The following IDE variants were observed in gnomAD, a reference collection of about 807,000 sequenced individuals.
IDE encodes the protein insulin-degrading enzyme.
IDE carries 58 observed loss-of-function variants against 133.2 expected under a neutral mutation model. That is an observed-to-expected ratio of 0.44 (90% confidence interval 0.35 to 0.54). The LOEUF (loss-of-function observed/expected upper bound fraction) is 0.54. Ranked by LOEUF, IDE falls within the 20% of genes least tolerant of loss-of-function variation. The pLI, the probability that IDE is intolerant of heterozygous loss-of-function variation, is 0.00. For missense variants in IDE, 981 were observed against 1,234.0 expected (o/e 0.79, Z 3.07); for synonymous variants, 396 against 421.3 (o/e 0.94, Z 0.73).
At chr10:92,568,839 TAATA>T (rs1564689056) in intron 1 of IDE, among the ~76,000 whole-genome samples, 2 of 149,324 alleles carry the variant, frequency 1.3e-5, no homozygotes, top group Non-Finnish European at 3.0e-5. Flanking sequence ...ATAATAATAA[TAATA>T]ACAATACCTT....
At chr10:92,531,637 G>T (rs941819523) in intron 4 of IDE, 111 bp downstream of exon 4, 54 of 402,662 alleles carry the variant, frequency 1.3e-4, no homozygotes, top group Admixed American at 2.4e-4. Flanking sequence ...TATATGCCAT[G>T]GGTTATATAC....
chr10:92,488,535 T>C (rs926963650), intron 12 of IDE, among the ~76,000 whole-genome samples: 1 of 152,140 alleles, frequency 6.6e-6, no homozygotes, highest in African/African-American at 2.4e-5. Flanking sequence ...CCCAGCACTT[T>C]GGGAGGCCAA....
intron 19 of IDE, 77 bp downstream of exon 19, chr10:92,468,801 CA>C (rs1185698127): frequency 1.4e-5 from 10 of 709,946 alleles, no homozygotes; most frequent in Non-Finnish European, 2.0e-5. Flanking sequence ...AAAACTATAC[CA>C]AATTCAGCCC....
At chr10:92,556,090 G>C (rs548962431) in intron 1 of IDE, among the ~76,000 whole-genome samples, 2 of 143,864 alleles carry the variant, frequency 1.4e-5, no homozygotes, top group African/African-American at 5.1e-5. Context: ...GGAGAATGGC[G>C]TGAACCCGGG....
chr10:92,479,608 TGA>T (rs1421433641), intron 14 of IDE, 187 bp from the exon 15 acceptor site: 15 of 535,984 alleles, frequency 2.8e-5, no homozygotes, highest in Non-Finnish European at 4.3e-5. Flanking sequence ...GAAGTGTGTG[TGA>T]GTGTGTGTGT....
intron 4 of IDE, among the ~76,000 whole-genome samples, chr10:92,528,519 T>C (rs145396399): frequency 2.5e-4 from 38 of 151,232 alleles, no homozygotes; most frequent in African/African-American, 8.7e-4. Context: ...TGATGTAAGA[T>C]AGTGTTTGAC....
chr10:92,524,359 TATA>T (rs1459546579), intron 4 of IDE, among the ~76,000 whole-genome samples: 1 of 21,884 alleles, frequency 4.6e-5, no homozygotes, highest in Non-Finnish European at 6.9e-5. Flanking sequence ...TAATATATTT[TATA>T]TTATAATATA....
chr10:92,500,469 G>C (rs956009186), intron 11 of IDE, among the ~76,000 whole-genome samples: 24 of 152,170 alleles, frequency 1.6e-4, no homozygotes, highest in Non-Finnish European at 3.5e-4. Flanking sequence ...GCACAGAAAG[G>C]TATGTTGTAT....
At chr10:92,573,811 C>A in intron 1 of IDE, 111 bp downstream of exon 1, 1 of 738,032 alleles carries the variant, frequency 1.4e-6, no homozygotes, top group South Asian at 2.3e-5. Flanking sequence ...GGACGGGCGG[C>A]GTGAGGGGCA....
intron 1 of IDE, among the ~76,000 whole-genome samples, chr10:92,568,828 AATAAT>A (rs1241278175): frequency 1.4e-5 from 2 of 146,962 alleles, no homozygotes; most frequent in African/African-American, 5.1e-5. Flanking sequence ...AAAAAAAAAT[AATAAT>A]AATAATAATA....
intron 14 of IDE, chr10:92,480,865 AT>A: frequency 1.2e-6 from 1 of 833,650 alleles, no homozygotes; most frequent in Non-Finnish European, 1.4e-6. Context: ...AAATGTTAGG[AT>A]TACAGGTGTG....
intron 15 of IDE, among the ~76,000 whole-genome samples, chr10:92,476,987 C>T (rs774502751): frequency 1.3e-5 from 2 of 152,110 alleles, no homozygotes; most frequent in East Asian, 1.9e-4. Context: ...CCACCTGCCT[C>T]GGCCTCCCAA....
At chr10:92,476,546 C>T (rs908480541) in intron 15 of IDE, among the ~76,000 whole-genome samples, 1 of 151,992 alleles carries the variant, frequency 6.6e-6, no homozygotes, top group African/African-American at 2.4e-5. Flanking sequence ...AGGCTAGACT[C>T]AAACTCCTGA....
At chr10:92,475,033 C>T (rs1846177956) in intron 16 of IDE, 72 bp from the exon 17 acceptor site, 1 of 1,208,760 alleles carries the variant, frequency 8.3e-7, no homozygotes, top group South Asian at 1.4e-5. Context: ...CAGTTATAAT[C>T]AAATTTCAAT....
chr10:92,457,773 C>T (rs1282564998), intron 22 of IDE, among the ~76,000 whole-genome samples: 2 of 152,026 alleles, frequency 1.3e-5, no homozygotes, highest in East Asian at 1.9e-4. Context: ...TACTAATAAG[C>T]CTGGTCCTAT....
chr10:92,511,182 A>AC (rs1848611966), intron 5 of IDE, among the ~76,000 whole-genome samples: 2 of 149,186 alleles, frequency 1.3e-5, no homozygotes, highest in Non-Finnish European at 3.0e-5. Context: ...GCTAACTGCA[A>AC]CCTCTGCCTC....
chr10:92,560,769 C>T (rs1352552970), intron 1 of IDE, among the ~76,000 whole-genome samples: 25 of 149,288 alleles, frequency 1.7e-4, no homozygotes, highest in Non-Finnish European at 1.0e-4. Context: ...GGCGACAGAG[C>T]GAGACTCCGT....
At position 92,514,523 on chromosome 10, in the gene IDE, C is replaced by G. The variant is rs926846664; in HGVS notation, c.784+397G>C. On this transcript the variant is annotated intron_variant, in intron 5 of 24. Coordinates refer to ENST00000265986, the MANE Select transcript of IDE (RefSeq NM_004969.4). Reference sequence around the variant, plus strand: ...TGGTGATCACAGCCTTTAACTGCAGCCTTTAACTCCTGGGCTCAAGCGATC... The same window carrying G: ...TGGTGATCACAGCCTTTAACTGCAGGCTTTAACTCCTGGGCTCAAGCGATC... 5.3e-5 allele frequency among the ~76,000 whole-genome samples: 8 copies of G among 152,068 alleles called. No homozygotes were observed. The East Asian group carries it at 1.4e-3, about 26-fold the overall frequency.
At chr10:92,544,886 A>G (rs976675842) in intron 1 of IDE, among the ~76,000 whole-genome samples, 4 of 152,222 alleles carry the variant, frequency 2.6e-5, no homozygotes, top group African/African-American at 9.6e-5. Context: ...TGACTCATGC[A>G]TGAAAGGAAA....
Sources: gnomAD v4.1 joint callset for allele counts (sites outside exome capture counted in the v4.1 genomes callset) on GRCh38, gnomAD v4.1.1 for gene constraint, MANE v1.5 for transcripts, NCBI Gene and HGNC (gene_info 2026-07-23, HGNC 2026-07-21) for gene names.